Variants in MYO15B observed in about 807,000 individuals in gnomAD.
The protein encoded by MYO15B is myosin XVB.
Under a neutral mutation model 119.3 loss-of-function variants are expected in MYO15B, and 207 were observed. The ratio of observed to expected loss-of-function variants is 1.73; its 90% CI spans 1.55 to 1.95. The LOEUF is 1.95. Ranked by LOEUF, MYO15B falls within the 30% of genes most tolerant of loss-of-function variation. MYO15B has a pLI of 0.00. For missense variants in MYO15B, 2,264 were observed against 1,203.1 expected, an observed-to-expected ratio of 1.88 and a Z score of -13.04; for synonymous variants, 966 against 498.9, an observed-to-expected ratio of 1.94 and a Z score of -12.48.
At chr17:75,592,951 C>A in intron 9 of MYO15B, 111 bp downstream of exon 9, 1 of 606,686 alleles carries the variant, frequency 1.6e-6, no homozygotes, top group Non-Finnish European at 3.0e-6. Context: ...GCTGGGCTGC[C>A]CTGAAAAGTG....
exon 34 of MYO15B, chr17:75,615,302 A>C (rs1250668379): frequency 2.8e-6 from 2 of 702,708 alleles, no homozygotes; most frequent in African/African-American, 1.7e-5. Flanking sequence ...ACCCATGCCC[A>C]TGATGCCAGC....
intron 21 of MYO15B, among the ~76,000 whole-genome samples, chr17:75,606,781 C>A (rs546755626): frequency 3.8e-4 from 57 of 151,714 alleles, no homozygotes; most frequent in African/African-American, 1.3e-3. Flanking sequence ...CTACAGTCAT[C>A]TTTTCAAAGC....
At chr17:75,618,947 G>A in intron 43 of MYO15B, 196 bp from the exon 44 acceptor site, 1 of 602,060 alleles carries the variant, frequency 1.7e-6, no homozygotes, top group Non-Finnish European at 3.0e-6. Context: ...GGGGACAGGT[G>A]AGACGTGTGA....
chr17:75,605,128 ACT>A (rs1159419877), intron 19 of MYO15B, among the ~76,000 whole-genome samples: 67 of 133,210 alleles, frequency 5.0e-4, no homozygotes, highest in African/African-American at 1.4e-3. Flanking sequence ...TGAGAATGAA[ACT>A]CTGTCTCAAA....
At chr17:75,595,845 A>G (rs1220610277) in intron 12 of MYO15B, among the ~76,000 whole-genome samples, 3 of 152,222 alleles carry the variant, frequency 2.0e-5, no homozygotes, top group African/African-American at 7.2e-5. Context: ...CTGCCGCCTC[A>G]GGACAGCCAG....
exon 35 of MYO15B, chr17:75,615,519 G>A (rs756626391): frequency 1.7e-5 from 12 of 697,984 alleles, no homozygotes; most frequent in East Asian, 5.4e-5. Context: ...TGGTGCCGCC[G>A]CAGCCACCGC....
chr17:75,614,905 G>GC (rs2058271697), intron 32 of MYO15B, 56 bp downstream of exon 32: 1 of 702,910 alleles, frequency 1.4e-6, no homozygotes, highest in Non-Finnish European at 2.6e-6. Context: ...GGCCTCTGCT[G>GC]CCCCTTCCAT....
chr17:75,595,522 G>A (rs571269312), intron 12 of MYO15B, among the ~76,000 whole-genome samples: 4 of 152,274 alleles, frequency 2.6e-5, no homozygotes, highest in East Asian at 1.9e-4. Flanking sequence ...GAGGTCCAGC[G>A]TTCCCGTCTG....
Position 75,614,853 on chromosome 17 carries a change from A to T in MYO15B, c.5559+4A>T. On this transcript the variant is annotated splice_donor_region_variant and intron_variant, in intron 32 of 63. Transcript: ENST00000645453. ...AGTGATATCCTCCGGCCTCAGCGTG[A>T]GTCGGGCACAGCCCCCAAATGCCCC... is the stretch of plus-strand genomic sequence containing the variant. 1.4e-6 allele frequency: 1 copy of T among 702,830 alleles called. No individual in the cohort carries two copies. The highest frequency in any genetic ancestry group is 2.6e-6 in the Non-Finnish European group (1 of 384,996). The allele number at this position is 702,830 out of a possible 1,614,324, so 43.5% of individuals were successfully genotyped here. A position where few individuals can be genotyped will look rare whatever the true frequency, so the allele number is the denominator to read the frequency against.
intron 43 of MYO15B, 152 bp from the exon 44 acceptor site, chr17:75,618,990 GC>G (rs998559058): frequency 5.7e-5 from 35 of 615,982 alleles, no homozygotes; most frequent in African/African-American, 5.5e-4. Flanking sequence ...ATCCCTCCCT[GC>G]CCCACCTAGG....
intron 19 of MYO15B, among the ~76,000 whole-genome samples, chr17:75,604,189 T>C (rs1275559625): frequency 6.6e-6 from 1 of 152,096 alleles, no homozygotes; most frequent in Non-Finnish European, 1.5e-5. Flanking sequence ...ACCTACCAGC[T>C]ACAGCAATTG....
chr17:75,621,597 C>T (rs2058715931), intron 52 of MYO15B, 27 bp downstream of exon 52: 1 of 697,988 alleles, frequency 1.4e-6, no homozygotes, highest in African/African-American at 1.7e-5. Context: ...ATCCTGGGTC[C>T]CCATGTCTGC....
intron 14 of MYO15B, among the ~76,000 whole-genome samples, chr17:75,599,367 C>T (rs537623054): frequency 2.9e-4 from 44 of 152,114 alleles, no homozygotes; most frequent in African/African-American, 6.0e-4. Context: ...CTCCGCCTCG[C>T]GGGTTGACGC....
chr17:75,625,701 G>T, intron 61 of MYO15B, 41 bp downstream of exon 61: 3 of 702,186 alleles, frequency 4.3e-6, no homozygotes, highest in Non-Finnish European at 7.8e-6. Context: ...GGGGCTGGAG[G>T]CCAAGAGGGA....
At position 75,612,849 on chromosome 17, in the gene MYO15B, C is replaced by T. The variant is rs920807240; in HGVS notation, c.4687C>T (p.Leu1563=). The change falls in exon 26 of 64, where the codon CTG becomes TTG. Residue 1563 remains leucine (L), a synonymous_variant. Transcript: ENST00000645453. ...GCCACTGGCGAAGCCCCTAACCCAG[C>T]TGGATGGAGACAACCCTCAGCGTGC... 1.1e-5 allele frequency: 8 copies of T among 702,838 alleles called. No homozygotes were observed. In the African/African-American group the frequency reaches 1.2e-4, roughly 11 times the overall value. 43.5% of individuals were successfully genotyped at this position (702,838 alleles called of 1,614,324 possible).
rs1281574389 is a variant in MYO15B, at chr17:75,591,590, C to A, written c.2436-11C>A. The A allele has an allele frequency of 4.3e-6, 3 of 702,878 alleles. No homozygotes were observed. The highest frequency in any genetic ancestry group is 4.6e-4 in the Middle Eastern group (2 of 4,366). The allele number at this position is 702,878 out of a possible 1,614,324, so 43.5% of individuals were successfully genotyped here. The stretch of plus-strand genomic sequence containing the variant: ...CCTCCCTGGAGACCCTACCAACCAA[C>A]ACATCCTTAGCTCCTCCCACTGCAG... On this transcript the variant is annotated splice_polypyrimidine_tract_variant and intron_variant, in intron 4 of 63. Coordinates refer to ENST00000645453, the Ensembl canonical transcript of MYO15B.
rs952496232 is a variant in MYO15B, at chr17:75,589,885, C to G, written c.1828C>G (p.Pro610Ala). Residue 610 changes from proline (P) to alanine (A), a missense_variant, in exon 1 of 64, where the codon CCC becomes GCC. By Grantham distance (27) the Pro-to-Ala change is conservative. Coordinates refer to ENST00000645453, the Ensembl canonical transcript of MYO15B. The surrounding 1 kb of genome is among the most constrained non-coding windows in gnomAD (Gnocchi z 4.2). ...CGGCTCCCTCCTTGCCCCGACTGCA[C>G]CCGACGGGCCTTCCCTCGACGAGAG... 16 of 398,644 alleles carry G rather than the reference C, an allele frequency of 4.0e-5. No homozygotes were observed. The highest frequency in any genetic ancestry group is 6.3e-4 in the Middle Eastern group (1 of 1,588). The allele number at this position is 398,644 out of a possible 1,614,324, so 24.7% of individuals were successfully genotyped here.
chr17:75,622,138 A>G, intron 53 of MYO15B, 58 bp downstream of exon 53: 1 of 696,028 alleles, frequency 1.4e-6, no homozygotes, highest in Non-Finnish European at 2.6e-6. Flanking sequence ...CTGGGCCTGA[A>G]GGAGATCCCC....
chr17:75,601,380 C>A, intron 14 of MYO15B, 58 bp from the exon 15 acceptor site: 1 of 692,768 alleles, frequency 1.4e-6, no homozygotes, highest in Non-Finnish European at 2.6e-6. Flanking sequence ...GGAGAGGGCG[C>A]CATCCAGAAG....
Sources: gnomAD v4.1 joint callset for allele counts (sites outside exome capture counted in the v4.1 genomes callset) on GRCh38, gnomAD v4.1.1 for gene constraint, Gnocchi (gnomAD v3.1) non-coding constraint, MANE v1.5 for transcripts, NCBI Gene and HGNC (gene_info 2026-07-23, HGNC 2026-07-21) for gene names.